The following L3MBTL4 variants were observed in gnomAD, a reference collection of about 807,000 sequenced individuals.
L3MBTL4 encodes L3MBTL histone methyl-lysine binding protein 4.
L3MBTL4 carries 70 observed loss-of-function variants against 84.5 expected under a neutral mutation model. The ratio of observed to expected loss-of-function variants is 0.83; its 90% CI spans 0.68 to 1.01. The LOEUF is 1.01. L3MBTL4 is among the 50% of genes least tolerant of loss of function. L3MBTL4 has a pLI of 0.00. For synonymous variants in L3MBTL4, 274 were observed against 259.8 expected (o/e 1.05, Z -0.52); for missense variants, 715 against 754.8 (o/e 0.95, Z 0.62).
At chr18:6,314,859 T>C (rs193072214) in intron 1 of L3MBTL4, among the ~76,000 whole-genome samples, 45 of 152,306 alleles carry the variant, frequency 3.0e-4, no homozygotes, top group African/African-American at 1.1e-3. Context: ...ACAGGTACCT[T>C]GAGGAATATG....
chr18:6,113,903 C>T (rs1051138467), intron 14 of L3MBTL4, among the ~76,000 whole-genome samples: 33 of 152,186 alleles, frequency 2.2e-4, no homozygotes, highest in African/African-American at 7.7e-4. Context: ...AATACAATGT[C>T]ATCACTGATG....
At chr18:6,413,454 T>C (rs1222085162) in intron 1 of L3MBTL4, among the ~76,000 whole-genome samples, 1 of 152,218 alleles carries the variant, frequency 6.6e-6, no homozygotes, top group East Asian at 1.9e-4. Flanking sequence ...TTTCAACCGT[T>C]TCTCCTAATT....
intron 1 of L3MBTL4, chr18:6,397,584 C>T (rs1255179480): frequency 6.6e-6 from 1 of 152,128 alleles, no homozygotes; most frequent in African/African-American, 2.4e-5. Flanking sequence ...CACGGTGGCT[C>T]ATGCCTGTAA....
At chr18:6,077,198 A>T (rs935901672) in intron 16 of L3MBTL4, among the ~76,000 whole-genome samples, 3 of 152,214 alleles carry the variant, frequency 2.0e-5, no homozygotes, top group Admixed American at 2.0e-4. Context: ...AAGAATAATT[A>T]TCACTTGTCA....
intron 16 of L3MBTL4, among the ~76,000 whole-genome samples, chr18:6,034,389 T>C (rs918591507): frequency 5.3e-5 from 8 of 151,904 alleles, no homozygotes; most frequent in African/African-American, 1.7e-4. Flanking sequence ...TGAGTAAGAA[T>C]ATGCGGTGTT....
intron 14 of L3MBTL4, among the ~76,000 whole-genome samples, chr18:6,119,036 T>C (rs1206931936): frequency 2.4e-5 from 3 of 122,818 alleles, no homozygotes; most frequent in Non-Finnish European, 4.8e-5. Flanking sequence ...ACAGTATCCC[T>C]CCCTTCAAAG....
At chr18:6,246,878 T>C (rs1241577667) in intron 5 of L3MBTL4, among the ~76,000 whole-genome samples, 1 of 151,982 alleles carries the variant, frequency 6.6e-6, no homozygotes, top group Non-Finnish European at 1.5e-5. Flanking sequence ...CACTCCAGCC[T>C]GGATGACAGA....
At chr18:5,989,760 C>A (rs11664511) in intron 16 of L3MBTL4, among the ~76,000 whole-genome samples, 1 of 152,342 alleles carries the variant, frequency 6.6e-6, no homozygotes, top group South Asian at 2.1e-4. Flanking sequence ...ACAATCACTT[C>A]ACATGTCAAA....
chr18:6,236,121 C>T (rs1411754215), intron 10 of L3MBTL4, among the ~76,000 whole-genome samples: 1 of 152,050 alleles, frequency 6.6e-6, no homozygotes, highest in Admixed American at 6.6e-5. Context: ...ATGCAAGGGA[C>T]TGAGAAGAGC....
chr18:6,030,073 T>C (rs1598483296), intron 16 of L3MBTL4: 1 of 985,232 alleles, frequency 1.0e-6, no homozygotes, highest in Non-Finnish European at 1.2e-6. Context: ...TCAGATTTTA[T>C]TGCTAAAGGA....
At chr18:6,010,710 G>T (rs1471037261) in intron 16 of L3MBTL4, among the ~76,000 whole-genome samples, 5 of 152,046 alleles carry the variant, frequency 3.3e-5, no homozygotes, top group African/African-American at 9.7e-5. Context: ...TTTCCTTGAA[G>T]AAGTCTAATT....
At chr18:6,291,345 G>C (rs961387472) in intron 4 of L3MBTL4, among the ~76,000 whole-genome samples, 1 of 151,988 alleles carries the variant, frequency 6.6e-6, no homozygotes, top group African/African-American at 2.4e-5. Flanking sequence ...GTCATTGTTC[G>C]CTTTAATTCA....
chr18:6,151,986 G>T lies in L3MBTL4; in HGVS notation c.1097-13690C>A, dbSNP rs151232578. 2.0e-3 allele frequency among the ~76,000 whole-genome samples: 310 copies of T among 152,190 alleles called. 1 individual carries two copies. Among genetic ancestry groups the T allele is most frequent in the African/African-American group, 7.2e-3 (298 of 41,536 alleles). ...ATATAGGTAGGATCATACAGTATTT[G>T]TTTTTATGTGCATGGCTTATTTCAC... On this transcript the variant is annotated intron_variant, in intron 13 of 18. Transcript: ENST00000317931.
At chr18:6,224,498 G>C (rs563093283) in intron 10 of L3MBTL4, among the ~76,000 whole-genome samples, 3 of 152,228 alleles carry the variant, frequency 2.0e-5, no homozygotes, top group Admixed American at 6.5e-5. Context: ...CAAAAGGCTG[G>C]AGGTTTTAAT....
chr18:5,970,310 G>A (rs1240103153), intron 16 of L3MBTL4, among the ~76,000 whole-genome samples: 1 of 152,246 alleles, frequency 6.6e-6, no homozygotes, highest in Non-Finnish European at 1.5e-5. Flanking sequence ...ATGGCTGTTT[G>A]TTTGCACAAG....
intron 14 of L3MBTL4, among the ~76,000 whole-genome samples, chr18:6,104,057 C>T (rs972699841): frequency 6.6e-6 from 1 of 152,156 alleles, no homozygotes; most frequent in African/African-American, 2.4e-5. Context: ...TGGCCCAGCT[C>T]CTCCTTGGGT....
intron 16 of L3MBTL4, among the ~76,000 whole-genome samples, chr18:6,017,320 G>A (rs75878333): frequency 0.08 from 6,536 of 81,478 alleles, 167 homozygotes; most frequent in Admixed American, 0.11. Flanking sequence ...CAGTGACAGC[G>A]TGAGAGATGC....
At chr18:5,998,694 C>T (rs1057480326) in intron 16 of L3MBTL4, among the ~76,000 whole-genome samples, 1 of 152,164 alleles carries the variant, frequency 6.6e-6, no homozygotes, top group Non-Finnish European at 1.5e-5. Context: ...GCGTTCTTTG[C>T]AATCAGTCAT....
intron 13 of L3MBTL4, among the ~76,000 whole-genome samples, chr18:6,141,547 C>T (rs1054333518): frequency 2.6e-5 from 4 of 152,160 alleles, no homozygotes; most frequent in African/African-American, 7.2e-5. Context: ...AGCTCATCTC[C>T]GTGACTGCAT....
Sources: allele counts gnomAD v4.1 joint callset (sites outside exome capture counted in the v4.1 genomes callset), GRCh38; gene constraint gnomAD v4.1.1; transcripts MANE v1.5; gene names NCBI Gene and HGNC (gene_info 2026-07-23, HGNC 2026-07-21).